PXN: variants seen among roughly 807,000 people sequenced by gnomAD.
The protein encoded by PXN is testicular tissue protein Li 134.
Under a neutral mutation model 103.6 loss-of-function variants are expected in PXN, and 61 were observed. The ratio of observed to expected loss-of-function variants is 0.59; its 90% CI spans 0.48 to 0.73. The LOEUF is 0.73. Ranked by LOEUF, PXN falls within the 30% of genes least tolerant of loss-of-function variation. PXN has a pLI of 0.00. For missense variants in PXN, 1,274 were observed against 1,460.3 expected (o/e 0.87, Z 2.08); for synonymous variants, 562 against 607.8 (o/e 0.92, Z 1.11).
intron 1 of PXN, among the ~76,000 whole-genome samples, chr12:120,239,008 C>T (rs1214369717): frequency 3.3e-5 from 5 of 152,204 alleles, no homozygotes; most frequent in Admixed American, 1.3e-4. Context: ...CTGACGGGAA[C>T]CAAACTGTCG....
At chr12:120,264,839 G>A (rs540729122) in intron 1 of PXN, among the ~76,000 whole-genome samples, 248 of 152,008 alleles carry the variant, frequency 1.6e-3, no homozygotes, top group Non-Finnish European at 3.1e-3. Context: ...TACCGTTCTA[G>A]ACTTAGATAC....
chr12:120,219,147 G>C lies in PXN; in HGVS notation c.1716+60C>G, dbSNP rs1305067704. On this transcript the variant is annotated intron_variant, in intron 7 of 14. Transcript: ENST00000637617. The surrounding 1 kb of genome is among the most constrained non-coding windows in gnomAD (Gnocchi z 6.5). Reference sequence around the variant, plus strand: ...GGAGGCTGCATGCAGTTAGCGAGGAGCGGCCCACACTCAGACCCGCCAATG... The same window carrying C: ...GGAGGCTGCATGCAGTTAGCGAGGACCGGCCCACACTCAGACCCGCCAATG... 7.7e-6 allele frequency: 11 copies of C among 1,433,156 alleles called. No individual in the cohort carries two copies. The highest frequency in any genetic ancestry group is 2.6e-5 in the Admixed American group (1 of 38,284). 88.8% of individuals were successfully genotyped at this position (1,433,156 alleles called of 1,614,324 possible). A position where few individuals can be genotyped will look rare whatever the true frequency, so the allele number is the denominator to read the frequency against.
chr12:120,223,857 G>A (rs1405879941), intron 2 of PXN, 24 bp from the exon 3 acceptor site: 1 of 1,528,806 alleles, frequency 6.5e-7, no homozygotes, highest in African/African-American at 1.4e-5. Flanking sequence ...AATGCTCAGA[G>A]GCTACCCCGA....
chr12:120,233,964 A>G (rs1888552757), intron 1 of PXN, among the ~76,000 whole-genome samples: 1 of 152,216 alleles, frequency 6.6e-6, no homozygotes, highest in Non-Finnish European at 1.5e-5. Flanking sequence ...CCAGGGGTAC[A>G]GGAAGCCACC....
chr12:120,221,597 G>A lies in PXN; in HGVS notation c.831+26C>T, dbSNP rs1384513511. 1.3e-6 allele frequency: 2 copies of A among 1,550,996 alleles called. No homozygotes were observed. The highest frequency in any genetic ancestry group is 1.9e-5 in the Admixed American group (1 of 51,492). Reference sequence around the variant, plus strand: ...AGGATGAGGGAGGGGCGGCAGGGCAGGGAAGATGGAGGGTTCACAGGGCAC... The same window carrying A: ...AGGATGAGGGAGGGGCGGCAGGGCAAGGAAGATGGAGGGTTCACAGGGCAC... On this transcript the variant is annotated intron_variant, in intron 6 of 14. Coordinates refer to ENST00000637617, the MANE Select transcript of PXN (RefSeq NM_001385981.1). The surrounding 1 kb of genome is among the most constrained non-coding windows in gnomAD (Gnocchi z 6.6).
intron 1 of PXN, among the ~76,000 whole-genome samples, chr12:120,246,409 C>T (rs1474269658): frequency 2.0e-5 from 3 of 151,114 alleles, no homozygotes; most frequent in Non-Finnish European, 4.4e-5. Flanking sequence ...TGCCTGTTAT[C>T]CCAGTTCCTC....
At position 120,219,503 on chromosome 12, in the gene PXN, T is replaced by C; in HGVS notation, c.1420A>G (p.Ile474Val). 9.4e-6 allele frequency: 15 copies of C among 1,595,346 alleles called. No individual in the cohort carries two copies. Among genetic ancestry groups the C allele is most frequent in the Non-Finnish European group, 1.3e-5 (15 of 1,178,714 alleles). Residue 474 changes from isoleucine (I) to valine (V), a missense_variant, in exon 7 of 15, where the codon ATC becomes GTC. This residue lies in a region of PXN where 1,178 missense variants were observed against 1,309.0 expected (regional missense o/e 0.90). Transcript: ENST00000637617. The surrounding 1 kb of genome is among the most constrained non-coding windows in gnomAD (Gnocchi z 6.5). The part of the protein sequence containing the change: ...PAVVAVDRQA[I>V]FPDTWTLTEE... ...GTGAGAGTCCAGGTATCTGGGAAGA[T>C]GGCCTGCCGGTCCACTGCCACTACA...
At chr12:120,223,304 G>A (rs58908395) in intron 3 of PXN, among the ~76,000 whole-genome samples, 215 of 152,128 alleles carry the variant, frequency 1.4e-3, no homozygotes, top group African/African-American at 5.0e-3. Flanking sequence ...CGTGGTGGTG[G>A]GTGCCTGTAG....
chr12:120,232,948 CT>C (rs1888346150), intron 1 of PXN, among the ~76,000 whole-genome samples: 1 of 152,318 alleles, frequency 6.6e-6, no homozygotes, highest in African/African-American at 2.4e-5. Flanking sequence ...CCCCAGTTCT[CT>C]TTTCTAAGTC....
chr12:120,227,511 G>C (rs1427791151), intron 1 of PXN, among the ~76,000 whole-genome samples: 1 of 152,126 alleles, frequency 6.6e-6, no homozygotes, highest in African/African-American at 2.4e-5. Flanking sequence ...AAAAACAAAC[G>C]AACAAATCAT....
At chr12:120,253,656 G>A (rs186284484) in intron 1 of PXN, among the ~76,000 whole-genome samples, 29 of 152,166 alleles carry the variant, frequency 1.9e-4, no homozygotes, top group Admixed American at 7.2e-4. Flanking sequence ...CTCAAAGGGT[G>A]GCTATCAGAA....
At chr12:120,253,241 G>A (rs1407471320) in intron 1 of PXN, among the ~76,000 whole-genome samples, 1 of 152,170 alleles carries the variant, frequency 6.6e-6, no homozygotes, top group Admixed American at 6.5e-5. Context: ...GGAAGGCCAA[G>A]GCAGGTGGAT....
Position 120,222,890 on chromosome 12 carries a change from G to C in PXN, c.466C>G (p.Gln156Glu). 1 of 1,613,938 alleles carries C rather than the reference G, an allele frequency of 6.2e-7. No homozygotes were observed. Among genetic ancestry groups the C allele is most frequent in the Non-Finnish European group, 8.5e-7 (1 of 1,179,842 alleles). Reference sequence around the variant, plus strand: ...GCAGGGAAGCCTGGCGGGTTATGCTGTACAGCGTTCAGTTCCAGCAGCAGG... The same window carrying C: ...GCAGGGAAGCCTGGCGGGTTATGCTCTACAGCGTTCAGTTCCAGCAGCAGG... ...DRLLLELNAV[Q>E]HNPPGFPADE... The change falls in exon 4 of 15, where the codon CAG becomes GAG. Residue 156 changes from glutamine to glutamate, a missense_variant. Around this residue, in one of 2 missense-constraint regions of PXN, gnomAD observed 1,178 missense variants for 1,309.0 expected, o/e 0.90. Coordinates refer to ENST00000637617, the MANE Select transcript of PXN (RefSeq NM_001385981.1). This position sits in a 1 kb window ranked among gnomAD's most constrained non-coding sequence, Gnocchi z 4.7.
intron 1 of PXN, chr12:120,226,331 C>T (rs1886866061): frequency 1.6e-6 from 2 of 1,289,076 alleles, no homozygotes; most frequent in African/African-American, 3.0e-5. Context: ...CCTTGAAGGC[C>T]CACTGGGGCC....
At chr12:120,247,798 A>G (rs1280480367) in intron 1 of PXN, 1 of 152,666 alleles carries the variant, frequency 6.6e-6, no homozygotes, top group Non-Finnish European at 1.5e-5. Flanking sequence ...AGATGTTTCA[A>G]GCAACTATTT....
chr12:120,234,763 G>T (rs2136443879), intron 1 of PXN, among the ~76,000 whole-genome samples: 1 of 152,316 alleles, frequency 6.6e-6, no homozygotes, highest in Admixed American at 6.5e-5. Context: ...GGATGAAAAA[G>T]AATGTGAGAG....
At chr12:120,239,679 A>G (rs1329478525) in intron 1 of PXN, among the ~76,000 whole-genome samples, 2 of 152,196 alleles carry the variant, frequency 1.3e-5, no homozygotes, top group African/African-American at 4.8e-5. Flanking sequence ...TGAACCTGGG[A>G]GGCGGAGGTT....
Position 120,250,133 on chromosome 12 carries a change from G to A in PXN, c.13+15484C>T, listed in dbSNP as rs1345148662. 6 of 985,712 alleles carry A rather than the reference G, an allele frequency of 6.1e-6. No homozygotes were observed. In the East Asian group the frequency reaches 4.5e-4, roughly 75 times the overall value. The allele number at this position is 985,712 out of a possible 1,614,324, so 61.1% of individuals were successfully genotyped here. ...CAGTGATGAGAAACTGCCTTAGCCG[G>A]CCAGCCGAGCCAGGAGTACACAGGG... On this transcript the variant is annotated intron_variant, in intron 1 of 14. Transcript: ENST00000637617.
Position 120,216,172 on chromosome 12 carries a change from G to A in PXN, c.2301+101C>T, listed in dbSNP as rs571306057. The stretch of plus-strand genomic sequence containing the variant: ...GGGCTTGTAGATGGAGGGATGGAGG[G>A]TATCTGTGTATGTGTGTGTGCACGT... On this transcript the variant is annotated intron_variant, in intron 9 of 14. Transcript: ENST00000637617. The surrounding 1 kb of genome is among the most constrained non-coding windows in gnomAD (Gnocchi z 5.1). The A allele has an allele frequency of 1.4e-5, 18 of 1,267,122 alleles. No homozygotes were observed. The highest frequency in any genetic ancestry group is 3.3e-5 in the South Asian group (1 of 30,030). 78.5% of individuals were successfully genotyped at this position (1,267,122 alleles called of 1,614,324 possible).
Sources: allele counts gnomAD v4.1 joint callset (sites outside exome capture counted in the v4.1 genomes callset), GRCh38; gene constraint gnomAD v4.1.1; regional missense constraint gnomAD v4.1.1; non-coding constraint Gnocchi (gnomAD v3.1); transcripts MANE v1.5; gene names NCBI Gene and HGNC (gene_info 2026-07-23, HGNC 2026-07-21).